Variants in EEF2KMT observed in about 807,000 individuals in gnomAD.
EEF2KMT encodes the protein eukaryotic elongation factor 2 lysine methyltransferase.
EEF2KMT carries 30 observed loss-of-function variants against 35.1 expected under a neutral mutation model. The observed-to-expected ratio is 0.85, with a 90% CI of 0.64 to 1.16. The LOEUF (loss-of-function observed/expected upper bound fraction) is 1.16. EEF2KMT is among the 50% of genes most tolerant of loss of function. EEF2KMT has a pLI of 0.00. For missense variants in EEF2KMT, 499 were observed against 438.2 expected (o/e 1.14, Z -1.24); for synonymous variants, 190 against 187.7 (o/e 1.01, Z -0.10).
intron 3 of EEF2KMT, among the ~76,000 whole-genome samples, chr16:5,092,414 C>T (rs1293384904): frequency 6.6e-6 from 1 of 152,226 alleles, no homozygotes; most frequent in Non-Finnish European, 1.5e-5. Flanking sequence ...CAGCTGGCCC[C>T]GTCCTATGAT....
chr16:5,089,523 A>G (rs1446286542), intron 6 of EEF2KMT: 39 of 553,806 alleles, frequency 7.0e-5, no homozygotes, highest in Non-Finnish European at 1.2e-4. Context: ...TTCTTGGCCT[A>G]TCTAGAGGGC....
In EEF2KMT at chr16:5,084,383, T is replaced by C. The variant is rs1957074852; in HGVS notation, c.*1249A>G. 3 of 430,392 alleles carry C rather than the reference T, an allele frequency of 7.0e-6. No homozygotes were observed. The highest frequency in any genetic ancestry group is 6.7e-5 in the South Asian group (3 of 45,104). 26.7% of individuals were successfully genotyped at this position (430,392 alleles called of 1,614,324 possible). A position where few individuals can be genotyped will look rare whatever the true frequency, so the allele number is the denominator to read the frequency against. On this transcript the variant is annotated 3_prime_UTR_variant, in exon 8 of 8. Coordinates refer to ENST00000427587, the MANE Select transcript of EEF2KMT (RefSeq NM_201400.4). ...GCAGGCTGTAGTTTGTGATCCTTGA[T>C]TCAGACAGTTTAGCAAGGCTGCAAA...
chr16:5,095,538 A>C, intron 1 of EEF2KMT, 24 bp from the exon 2 acceptor site: 2 of 1,611,060 alleles, frequency 1.2e-6, no homozygotes, highest in Non-Finnish European at 1.7e-6. Context: ...AAAGAGAGAA[A>C]TCTCAAGGGC....
intron 4 of EEF2KMT, among the ~76,000 whole-genome samples, chr16:5,091,428 G>C (rs1033579701): frequency 5.3e-5 from 8 of 152,068 alleles, no homozygotes; most frequent in Non-Finnish European, 1.0e-4. Flanking sequence ...ATATTGGCCA[G>C]GTTGGTCTCG....
intron 3 of EEF2KMT, among the ~76,000 whole-genome samples, chr16:5,092,198 C>T (rs1200367658): frequency 1.3e-5 from 2 of 151,976 alleles, no homozygotes; most frequent in Non-Finnish European, 2.9e-5. Flanking sequence ...GGGCCTTGAA[C>T]CAGAGGTGTT....
intron 7 of EEF2KMT, among the ~76,000 whole-genome samples, chr16:5,088,600 C>T (rs1957267647): frequency 1.3e-5 from 2 of 152,134 alleles, no homozygotes; most frequent in Admixed American, 1.3e-4. Flanking sequence ...CACACCCTCA[C>T]AGTTGCTGGG....
rs367714509 is a variant in EEF2KMT at position 5,091,090 on chromosome 16, C to CT, written c.343-526dup. The stretch of plus-strand genomic sequence containing the variant: ...CCACCATGTCCGGCTACTTTTTGTA[C>CT]TTTTTTTTGAGACAGAGATTTGCTC... On this transcript the variant is annotated intron_variant, in intron 4 of 7. Transcript: ENST00000427587. 6.5e-4 allele frequency among the ~76,000 whole-genome samples: 98 copies of CT among 151,634 alleles called. 1 individual carries two copies. Among genetic ancestry groups the CT allele is most frequent in the African/African-American group, 2.2e-3 (93 of 41,350 alleles).
chr16:5,085,752 G>A lies in EEF2KMT; in HGVS notation c.893-20C>T, dbSNP rs368350974. 7.0e-6 allele frequency: 11 copies of A among 1,579,288 alleles called. No individual in the cohort carries two copies. The highest frequency in any genetic ancestry group is 6.1e-6 in the Non-Finnish European group (7 of 1,150,246). On this transcript the variant is annotated intron_variant, in intron 7 of 7. Coordinates refer to ENST00000427587, the MANE Select transcript of EEF2KMT (RefSeq NM_201400.4). ...CCCGGCCTGGAAACAGAGCACATGT[G>A]TTTGAGGATGGCGGTGTTTGGGGAC... is the stretch of plus-strand genomic sequence containing the variant.
Position 5,095,475 on chromosome 16 carries a change from G to A in EEF2KMT, c.136C>T (p.Leu46=), listed in dbSNP as rs375081296. 1 of 1,611,764 alleles carries A rather than the reference G, an allele frequency of 6.2e-7. No individual in the cohort carries two copies. Among genetic ancestry groups the A allele is most frequent in the Non-Finnish European group, 8.5e-7 (1 of 1,179,654 alleles). ...AKLRDSSDSE[L]LRDILHKTVK... The stretch of plus-strand genomic sequence containing the variant: ...ACCTTGTGCAAAATATCCCGCAGCA[G>A]CTCAGAATCTGATGAGTCTCTTAAC... The change falls in exon 2 of 8, where the codon CTG becomes TTG. Residue 46 remains leucine (L), a synonymous_variant. Coordinates refer to ENST00000427587, the MANE Select transcript of EEF2KMT (RefSeq NM_201400.4).
At chr16:5,092,077 A>C in intron 3 of EEF2KMT, 182 bp from the exon 4 acceptor site, 1 of 1,178,676 alleles carries the variant, frequency 8.5e-7, no homozygotes, top group Non-Finnish European at 1.2e-6. Flanking sequence ...CAGCTACTCT[A>C]GAGGCTGACA....
At chr16:5,093,320 T>G (rs1319864017) in intron 3 of EEF2KMT, among the ~76,000 whole-genome samples, 164 bp downstream of exon 3, 1 of 152,242 alleles carries the variant, frequency 6.6e-6, no homozygotes, top group African/African-American at 2.4e-5. Context: ...CTTCCCGCCC[T>G]GCACTGTCTC....
At position 5,091,880 on chromosome 16, in the gene EEF2KMT, T is replaced by C. The variant is rs745724185; in HGVS notation, c.256A>G (p.Thr86Ala). The C allele has an allele frequency of 6.2e-7, 1 of 1,611,874 alleles. No homozygotes were observed. The highest frequency in any genetic ancestry group is 8.5e-7 in the Non-Finnish European group (1 of 1,179,760). The stretch of plus-strand genomic sequence containing the variant: ...TCATACAGCTCGTCCAAAGGCTCTG[T>C]GTGGACAGCCTCGTGCTGGGGGCAG... ...ELIKKHEAVH[T>A]EPLDELYEAL... The change falls in exon 4 of 8, where the codon ACA becomes GCA. Residue 86 changes from threonine (T) to alanine (A), a missense_variant. Physicochemically the swap from Thr to Ala is moderately conservative, Grantham distance 58. Transcript: ENST00000427587.
intron 2 of EEF2KMT, among the ~76,000 whole-genome samples, chr16:5,094,090 T>C (rs1424414408): frequency 6.6e-6 from 1 of 152,050 alleles, no homozygotes; most frequent in African/African-American, 2.4e-5. Context: ...AGCCTGGCAC[T>C]TGGAAAGGAG....
chr16:5,093,996 C>G (rs1422129008), intron 2 of EEF2KMT, among the ~76,000 whole-genome samples: 2 of 152,222 alleles, frequency 1.3e-5, no homozygotes, highest in African/African-American at 4.8e-5. Flanking sequence ...GGGTGACACT[C>G]CAGCTAAAGC....
chr16:5,096,912 T>C (rs1225870428), intron 1 of EEF2KMT, among the ~76,000 whole-genome samples: 3 of 152,228 alleles, frequency 2.0e-5, no homozygotes, highest in Non-Finnish European at 4.4e-5. Flanking sequence ...TGAGTGCAAA[T>C]ATTTTATGTC....
chr16:5,093,682 G>A (rs1957393412), intron 2 of EEF2KMT, 118 bp from the exon 3 acceptor site: 1 of 1,540,556 alleles, frequency 6.5e-7, no homozygotes, highest in Non-Finnish European at 8.8e-7. Context: ...CAAAGATGTA[G>A]ATGGACACAG....
intron 2 of EEF2KMT, 156 bp downstream of exon 2, chr16:5,095,296 G>A: frequency 1.9e-6 from 2 of 1,079,064 alleles, no homozygotes; most frequent in Admixed American, 4.8e-5. Flanking sequence ...AGCTGTCAGA[G>A]GTGCTGACAC....
chr16:5,090,545 T>A lies in EEF2KMT; in HGVS notation c.363A>T (p.Thr121=). 4 of 1,611,444 alleles carry A rather than the reference T, an allele frequency of 2.5e-6. No individual in the cohort carries two copies. The South Asian group carries it at 3.3e-5, about 13-fold the overall frequency. ...SYLLPSGGSV[T]LSESTAIISY... is the part of the protein sequence containing the mutation. Reference sequence around the variant, plus strand: ...AGATGATGGCCGTGCTCTCGGAGAGTGTGACCGAGCCTCCCGAGGGCTGCA... The same window carrying A: ...AGATGATGGCCGTGCTCTCGGAGAGAGTGACCGAGCCTCCCGAGGGCTGCA... The change falls in exon 5 of 8, where the codon ACA becomes ACT. Residue 121 remains threonine, a synonymous_variant. Transcript: ENST00000427587. The surrounding 1 kb of genome is among the most constrained non-coding windows in gnomAD (Gnocchi z 4.1).
Position 5,090,031 on chromosome 16 carries a change from G to A in EEF2KMT, c.742+53C>T. On this transcript the variant is annotated intron_variant, in intron 6 of 7. Coordinates refer to ENST00000427587, the MANE Select transcript of EEF2KMT (RefSeq NM_201400.4). The surrounding 1 kb of genome is among the most constrained non-coding windows in gnomAD (Gnocchi z 4.1). ...TTCCCTTTTCCCAGAGCCAAGAGCT[G>A]GGTAGAGCTGCAAGGACACCACCTG... The A allele has an allele frequency of 6.3e-7, 1 of 1,597,160 alleles. No individual in the cohort carries two copies. Among genetic ancestry groups the A allele is most frequent in the South Asian group, 1.1e-5 (1 of 90,862 alleles).
Sources: allele counts gnomAD v4.1 joint callset (sites outside exome capture counted in the v4.1 genomes callset), GRCh38; gene constraint gnomAD v4.1.1; non-coding constraint Gnocchi (gnomAD v3.1); transcripts MANE v1.5; gene names NCBI Gene and HGNC (gene_info 2026-07-23, HGNC 2026-07-21).